The following VRK2 variants were observed in gnomAD, a reference collection of about 807,000 sequenced individuals.
The protein encoded by VRK2 is VRK serine/threonine kinase 2.
A neutral mutation model predicts 57.6 loss-of-function variants in VRK2; 60 were observed. The observed-to-expected ratio is 1.04, with a 90% CI of 0.85 to 1.29. VRK2 has a LOEUF of 1.29. Among genes scored for constraint, VRK2 ranks in the 50% most tolerant of loss-of-function variants. The pLI, the probability that VRK2 is intolerant of heterozygous loss-of-function variation, is 0.00. For synonymous variants in VRK2, 231 were observed against 199.2 expected, an observed-to-expected ratio of 1.16 and a Z score of -1.35; for missense variants, 705 against 588.1, an observed-to-expected ratio of 1.20 and a Z score of -2.06.
chr2:58,077,615 A>T (rs1262288133), intron 2 of VRK2, among the ~76,000 whole-genome samples: 1 of 152,036 alleles, frequency 6.6e-6, no homozygotes, highest in Non-Finnish European at 1.5e-5. Context: ...TAAACTAAAG[A>T]TATTTCCATA....
chr2:58,097,403 T>G (rs974605435), intron 7 of VRK2, among the ~76,000 whole-genome samples: 2 of 152,126 alleles, frequency 1.3e-5, no homozygotes, highest in Non-Finnish European at 2.9e-5. Context: ...TTTAAATCTT[T>G]CAAGTTGTTT....
In VRK2 at chr2:58,159,637, C is replaced by T. The variant is rs781556579; in HGVS notation, c.1471C>T (p.Arg491Cys). ...EETNADVYYY[R>C]IIIPVLLMLV... is the part of the protein sequence containing the mutation. ...GACAAACGCAGATGTTTATTATTATCGCATCATCATACCTGTCCTTTTGAT... is the reference window on the plus strand; with the variant it reads ...GACAAACGCAGATGTTTATTATTATTGCATCATCATACCTGTCCTTTTGAT... The change falls in exon 13 of 13, where the codon CGC (arginine) becomes TGC (cysteine). Residue 491 changes from arginine (R) to cysteine (C), a missense_variant. By Grantham distance (180) the Arg-to-Cys change is radical (BLOSUM62 -3). Transcript: ENST00000340157. 10 of 1,613,722 alleles carry T rather than the reference C, an allele frequency of 6.2e-6. No homozygotes were observed. The highest frequency in any genetic ancestry group is 2.2e-5 in the East Asian group (1 of 44,850).
intron 7 of VRK2, among the ~76,000 whole-genome samples, chr2:58,108,082 C>T (rs369273173): frequency 9.9e-5 from 15 of 152,264 alleles, no homozygotes; most frequent in African/African-American, 3.4e-4. Context: ...GTGTTAGTCA[C>T]CAGTCAGCTA....
chr2:58,079,163 A>G (rs565930192), intron 2 of VRK2, among the ~76,000 whole-genome samples: 2 of 152,256 alleles, frequency 1.3e-5, no homozygotes, highest in South Asian at 2.1e-4. Context: ...TTTAGTAAGA[A>G]TATCATAGAA....
chr2:58,137,209 A>G (rs1680565999), intron 10 of VRK2, among the ~76,000 whole-genome samples: 1 of 81,436 alleles, frequency 1.2e-5, no homozygotes, highest in Non-Finnish European at 2.1e-5. Flanking sequence ...TATCTCATAT[A>G]TGATACATAT....
At chr2:58,145,424 C>G (rs906090439) in intron 11 of VRK2, among the ~76,000 whole-genome samples, 2 of 151,930 alleles carry the variant, frequency 1.3e-5, no homozygotes, top group African/African-American at 4.8e-5. Flanking sequence ...ATTAGGCTCA[C>G]TTCAATGATA....
rs376452606 is a variant in VRK2, at chr2:57,930,455, A to G, written c.-439+22616A>G. Among the ~76,000 whole-genome samples, 18 of 152,288 alleles carry G rather than the reference A, an allele frequency of 1.2e-4. No homozygotes were observed. The South Asian group carries it at 3.7e-3, about 32-fold the overall frequency. ...TGCCAGGGGATTGGGGAGGGGTGGC[A>G]TCAGCAATTCAAGACTGTCTTTTCT... On this transcript the variant is annotated intron_variant, in intron 1 of 15. Coordinates refer to the VRK2 transcript ENST00000417641.
intron 12 of VRK2, among the ~76,000 whole-genome samples, chr2:58,153,391 A>C (rs533649197): frequency 6.6e-6 from 1 of 152,154 alleles, no homozygotes; most frequent in South Asian, 2.1e-4. Flanking sequence ...GCTCCCCTCC[A>C]TTTCTAATGT....
At chr2:58,022,074 A>G (rs1673774650) in intron 1 of VRK2, among the ~76,000 whole-genome samples, 1 of 152,204 alleles carries the variant, frequency 6.6e-6, no homozygotes, top group African/African-American at 2.4e-5. Flanking sequence ...ATTTCAAACC[A>G]TATGGACTTG....
chr2:57,999,314 G>A (rs918807274), intron 1 of VRK2, among the ~76,000 whole-genome samples: 2 of 152,102 alleles, frequency 1.3e-5, no homozygotes, highest in Non-Finnish European at 2.9e-5. Flanking sequence ...TTTACTACAA[G>A]TTTTGGTAGA....
At chr2:57,957,617 TA>T (rs2103990685) in intron 1 of VRK2, among the ~76,000 whole-genome samples, 1 of 142,812 alleles carries the variant, frequency 7.0e-6, no homozygotes, top group South Asian at 2.1e-4. Context: ...TATACTATAT[TA>T]TATATATTTC....
intron 12 of VRK2, among the ~76,000 whole-genome samples, chr2:58,151,006 T>G (rs191331069): frequency 6.6e-6 from 1 of 151,844 alleles, no homozygotes; most frequent in East Asian, 1.9e-4. Context: ...ATTATTGCAA[T>G]CTTTTAAAAT....
At chr2:58,090,762 G>T (rs886120982) in intron 7 of VRK2, among the ~76,000 whole-genome samples, 1 of 152,164 alleles carries the variant, frequency 6.6e-6, no homozygotes, top group Non-Finnish European at 1.5e-5. Context: ...GCACGTGAAT[G>T]CTTGTAGTCG....
rs201015368 is a variant in VRK2 at position 58,039,573 on chromosome 2, A to G, written c.-6+6020A>G. ...TGTCTTTCCCCAACTCATTACCCCA[A>G]TAAGCATATTAAAGACTCAGGATTT... On this transcript the variant is annotated intron_variant, in intron 3 of 15. Transcript: ENST00000417641. 3.8e-4 allele frequency among the ~76,000 whole-genome samples: 58 copies of G among 152,214 alleles called. 1 individual carries two copies. Among genetic ancestry groups the G allele is most frequent in the East Asian group, 9.7e-4 (5 of 5,170 alleles).
chr2:58,044,151 G>A (rs1470588444), upstream of VRK2, among the ~76,000 whole-genome samples: 1 of 152,028 alleles, frequency 6.6e-6, no homozygotes, highest in East Asian at 1.9e-4. Context: ...TTGTATATAT[G>A]GATGTCTAGC....
intron 5 of VRK2, 22 bp from the exon 6 acceptor site, chr2:58,088,319 T>G: frequency 6.6e-7 from 1 of 1,519,270 alleles, no homozygotes; most frequent in African/African-American, 1.4e-5. Flanking sequence ...GATGATCTCT[T>G]TTTGATGCTT....
At chr2:57,981,966 T>G (rs1320621971) in intron 1 of VRK2, among the ~76,000 whole-genome samples, 6 of 152,228 alleles carry the variant, frequency 3.9e-5, no homozygotes, top group Non-Finnish European at 7.3e-5. Flanking sequence ...CTCTGCTTTT[T>G]AGAGTTATCA....
chr2:57,937,307 T>C (rs1269809183), intron 1 of VRK2, among the ~76,000 whole-genome samples: 2 of 152,216 alleles, frequency 1.3e-5, no homozygotes, highest in African/African-American at 4.8e-5. Flanking sequence ...GCACCCCTCA[T>C]GCTCTTGAAA....
chr2:57,943,501 G>T (rs1474713788), intron 1 of VRK2, among the ~76,000 whole-genome samples: 1 of 152,178 alleles, frequency 6.6e-6, no homozygotes, highest in Non-Finnish European at 1.5e-5. Flanking sequence ...ATTACCTAAT[G>T]ATAATGGAAC....
Sources: gnomAD v4.1 joint callset for allele counts (sites outside exome capture counted in the v4.1 genomes callset) on GRCh38, gnomAD v4.1.1 for gene constraint, MANE v1.5 for transcripts, NCBI Gene and HGNC (gene_info 2026-07-23, HGNC 2026-07-21) for gene names.